PRKCI: variants seen among roughly 807,000 people sequenced by gnomAD.
PRKCI encodes protein kinase C iota type.
In PRKCI, 43 loss-of-function variants were observed where a neutral mutation model predicts 84.0. The observed-to-expected ratio is 0.51, with a 90% CI of 0.40 to 0.66. The LOEUF (loss-of-function observed/expected upper bound fraction) is 0.66, where lower values mean the gene tolerates loss of function less well. PRKCI is among the 30% of genes least tolerant of loss of function. The pLI, the probability that PRKCI is intolerant of heterozygous loss-of-function variation, is 0.00. For missense variants in PRKCI, 459 were observed against 745.6 expected (o/e 0.62, Z 4.48); for synonymous variants, 216 against 234.4 (o/e 0.92, Z 0.72).
intron 1 of PRKCI, among the ~76,000 whole-genome samples, chr3:170,233,558 C>T (rs2108836369): frequency 6.6e-6 from 1 of 152,194 alleles, no homozygotes; most frequent in African/African-American, 2.4e-5. Context: ...GGTACTGTAA[C>T]AAGGATCTGG....
In PRKCI at chr3:170,280,411, C is replaced by G. The variant is rs1734212794; in HGVS notation, c.882+8C>G. On this transcript the variant is annotated splice_region_variant and intron_variant, in intron 9 of 17. Transcript: ENST00000295797. Reference sequence around the variant, plus strand: ...CTTGTTAATGATGATGAGGTAAGCACTGCATATTTTATTGCTTCTAAACTG... The same window carrying G: ...CTTGTTAATGATGATGAGGTAAGCAGTGCATATTTTATTGCTTCTAAACTG... The G allele has an allele frequency of 6.2e-7, 1 of 1,601,824 alleles. No homozygotes were observed.
At position 170,282,557 on chromosome 3, in the gene PRKCI, C is replaced by T. The variant is rs1024450685; in HGVS notation, c.1067+589C>T. Among the ~76,000 whole-genome samples the T allele has an allele frequency of 4.6e-5, 7 of 151,558 alleles. No homozygotes were observed. In the East Asian group the frequency reaches 7.9e-4, roughly 17 times the overall value. ...ACTAAAAATACAAAAATTTGCTGGT[C>T]GTGGTGGCGGGTGCCTGTAATCCCA... On this transcript the variant is annotated intron_variant, in intron 11 of 17. Coordinates refer to ENST00000295797, the MANE Select transcript of PRKCI (RefSeq NM_002740.6).
At chr3:170,270,283 CTTTGTTTTGCT>C in intron 5 of PRKCI, 127 bp from the exon 6 acceptor site, 12 of 801,222 alleles carry the variant, frequency 1.5e-5, no homozygotes, top group Non-Finnish European at 2.1e-5. Flanking sequence ...TATGAGGAAG[CTTTGTTTTGCT>C]TTTGTTTTTG....
At chr3:170,287,510 T>C (rs1244910305) in intron 12 of PRKCI, among the ~76,000 whole-genome samples, 2 of 151,800 alleles carry the variant, frequency 1.3e-5, no homozygotes, top group African/African-American at 4.8e-5. Flanking sequence ...TAAAATGTTA[T>C]GTTAAATGTG....
intron 2 of PRKCI, among the ~76,000 whole-genome samples, chr3:170,237,638 T>G (rs1025915491): frequency 6.6e-6 from 1 of 152,252 alleles, no homozygotes; most frequent in African/African-American, 2.4e-5. Flanking sequence ...TCATAATATT[T>G]AGCTCAATAT....
At chr3:170,256,639 TTG>T (rs992388540) in intron 2 of PRKCI, among the ~76,000 whole-genome samples, 26 of 152,342 alleles carry the variant, frequency 1.7e-4, no homozygotes, top group African/African-American at 6.3e-4. Context: ...TGTTGATCTT[TTG>T]TGTGTTTTGT....
intron 2 of PRKCI, among the ~76,000 whole-genome samples, chr3:170,258,065 TAAAAG>T (rs2108847552): frequency 6.6e-6 from 1 of 151,654 alleles, no homozygotes; most frequent in East Asian, 1.9e-4. Flanking sequence ...TCAGAGAAGA[TAAAAG>T]GAAGTAGGGA....
chr3:170,243,122 A>G (rs1733179215), intron 2 of PRKCI, among the ~76,000 whole-genome samples: 1 of 152,134 alleles, frequency 6.6e-6, no homozygotes, highest in Non-Finnish European at 1.5e-5. Flanking sequence ...TTACAGTTGG[A>G]TGAGTTTTGA....
chr3:170,270,361 A>G (rs1301744591), intron 5 of PRKCI, 60 bp from the exon 6 acceptor site: 8 of 1,474,156 alleles, frequency 5.4e-6, no homozygotes, highest in Non-Finnish European at 7.3e-6. Context: ...TCAGCAAACT[A>G]TTTGGGAAAT....
rs1732512227 is a variant in PRKCI, at chr3:170,222,525, T to G, written c.-145T>G. The G allele has an allele frequency of 1.2e-5, 8 of 671,914 alleles. No individual in the cohort carries two copies. The East Asian group carries it at 2.7e-4, about 23-fold the overall frequency. The allele number at this position is 671,914 out of a possible 1,614,324, so 41.6% of individuals were successfully genotyped here. A position where few individuals can be genotyped will look rare whatever the true frequency, so the allele number is the denominator to read the frequency against. ...CCGGCTGCTCCGGCGAGGCGACCCT[T>G]GGGTCGGCGCTGCGGGCGAGGTGGG... On this transcript the variant is annotated 5_prime_UTR_variant, in exon 1 of 18. Transcript: ENST00000295797.
intron 1 of PRKCI, among the ~76,000 whole-genome samples, chr3:170,223,986 A>G (rs901483339): frequency 6.6e-6 from 1 of 151,828 alleles, no homozygotes; most frequent in African/African-American, 2.4e-5. Context: ...TTACATGTGT[A>G]TACATGTGCC....
At chr3:170,255,998 G>A (rs898551108) in intron 2 of PRKCI, among the ~76,000 whole-genome samples, 9 of 152,122 alleles carry the variant, frequency 5.9e-5, no homozygotes, top group Non-Finnish European at 1.0e-4. Context: ...ATTTGCATGT[G>A]TTGAACCATC....
intron 2 of PRKCI, among the ~76,000 whole-genome samples, chr3:170,244,539 T>G (rs1196520005): frequency 6.6e-6 from 1 of 152,128 alleles, no homozygotes; most frequent in East Asian, 1.9e-4. Context: ...ATAATATCCT[T>G]TATAATAAAG....
rs113818123 is a variant in PRKCI at position 170,293,831 on chromosome 3, C to T, written c.1417+323C>T. Among the ~76,000 whole-genome samples, 981 of 152,088 alleles carry T rather than the reference C, an allele frequency of 6.5e-3. 11 individuals carry two copies. The highest frequency in any genetic ancestry group is 0.022 in the African/African-American group (895 of 41,510). On this transcript the variant is annotated intron_variant, in intron 14 of 17. Transcript: ENST00000295797. Reference sequence around the variant, plus strand: ...GAGTAACTGGGATTACAGGCACACACCACTATGCCCGGCTAAATTTTGTAT... The same window carrying T: ...GAGTAACTGGGATTACAGGCACACATCACTATGCCCGGCTAAATTTTGTAT...
intron 2 of PRKCI, among the ~76,000 whole-genome samples, chr3:170,238,549 C>G (rs1255436344): frequency 1.4e-5 from 2 of 144,344 alleles, no homozygotes; most frequent in Non-Finnish European, 3.0e-5. Context: ...TGGACTATTT[C>G]TAGTTTTTCA....
Sources: gnomAD v4.1 joint callset for allele counts (sites outside exome capture counted in the v4.1 genomes callset) on GRCh38, gnomAD v4.1.1 for gene constraint, MANE v1.5 for transcripts, NCBI Gene and HGNC (gene_info 2026-07-23, HGNC 2026-07-21) for gene names.